Variants in SCEL observed in about 807,000 individuals in gnomAD.
The protein encoded by SCEL is sciellin.
In SCEL, 113 loss-of-function variants were observed where a neutral mutation model predicts 117.6. That is an observed-to-expected ratio of 0.96 (90% confidence interval 0.83 to 1.12). SCEL has a LOEUF of 1.12. SCEL is among the 50% of genes most tolerant of loss of function. The pLI is 0.00. For missense variants in SCEL, 785 were observed against 810.8 expected, an observed-to-expected ratio of 0.97 and a Z score of 0.39; for synonymous variants, 270 against 256.2, an observed-to-expected ratio of 1.05 and a Z score of -0.51.
At chr13:77,633,880 C>T (rs1203734248) in intron 28 of SCEL, among the ~76,000 whole-genome samples, 1 of 152,164 alleles carries the variant, frequency 6.6e-6, no homozygotes, top group African/African-American at 2.4e-5. Context: ...AGGAAATTAT[C>T]AAACGTGATT....
At chr13:77,644,091 G>A (rs192704868) in intron 32 of SCEL, among the ~76,000 whole-genome samples, 167 bp from the exon 33 acceptor site, 3 of 152,256 alleles carry the variant, frequency 2.0e-5, no homozygotes, top group South Asian at 2.1e-4. Context: ...CATCTGGTAC[G>A]TCATGTACAC....
At chr13:77,601,307 GT>G (rs1373146841) in intron 15 of SCEL, among the ~76,000 whole-genome samples, 2 of 152,142 alleles carry the variant, frequency 1.3e-5, no homozygotes, top group African/African-American at 4.8e-5. Flanking sequence ...TAACAACTGA[GT>G]TTTGGTGCAG....
intron 1 of SCEL, among the ~76,000 whole-genome samples, chr13:77,539,171 A>G (rs1192696461): frequency 6.6e-6 from 1 of 152,144 alleles, no homozygotes; most frequent in Non-Finnish European, 1.5e-5. Flanking sequence ...GGTGACATGT[A>G]TGAGTATGCC....
rs1222174394 is a variant in SCEL, at chr13:77,617,865, A to G, written c.1571+3A>G. The G allele has an allele frequency of 1.2e-6, 2 of 1,605,246 alleles. No homozygotes were observed. Among genetic ancestry groups the G allele is most frequent in the Admixed American group, 1.7e-5 (1 of 59,816 alleles). On this transcript the variant is annotated splice_donor_region_variant and intron_variant, in intron 26 of 32. Transcript: ENST00000349847. ...GCAGTAATCAGAAACAATCAGAGGT[A>G]TATATAGAAGCAGTCAATTCATGTT...
At chr13:77,620,297 G>T (rs189518122) in intron 27 of SCEL, among the ~76,000 whole-genome samples, 11 of 152,186 alleles carry the variant, frequency 7.2e-5, no homozygotes, top group Middle Eastern at 3.4e-3. Flanking sequence ...TCTCCATTCT[G>T]CCCTCTTGAT....
rs373265715 is a variant in SCEL, at chr13:77,555,844, A to G, written c.-19-13A>G. 3.1e-5 allele frequency: 50 copies of G among 1,588,852 alleles called. No homozygotes were observed. Among genetic ancestry groups the G allele is most frequent in the Middle Eastern group, 1.7e-4 (1 of 6,032 alleles). On this transcript the variant is annotated splice_polypyrimidine_tract_variant and intron_variant, in intron 1 of 32. Transcript: ENST00000349847. ...CATTGATGTGCTTTCTCTATTTCCC[A>G]TTTTTCTTTTAGGTCCTTACTGGAA... is the stretch of plus-strand genomic sequence containing the variant.
At chr13:77,624,710 C>T (rs1036925425) in intron 27 of SCEL, among the ~76,000 whole-genome samples, 1 of 152,094 alleles carries the variant, frequency 6.6e-6, no homozygotes, top group Admixed American at 6.5e-5. Context: ...GGGTGATGGA[C>T]AGAGATGGAG....
chr13:77,593,295 T>TGTGTGTGTGTGTGTGTGTGCGC (rs796907419), intron 11 of SCEL, among the ~76,000 whole-genome samples: 2 of 136,784 alleles, frequency 1.5e-5, no homozygotes, highest in African/African-American at 5.6e-5. Context: ...TGTGTGTGTG[T>TGTGTGTGTGTGTGTGTGTGCGC]GTCTGTGTGT....
chr13:77,592,179 C>T (rs930023898), intron 11 of SCEL, among the ~76,000 whole-genome samples: 1 of 151,922 alleles, frequency 6.6e-6, no homozygotes, highest in African/African-American at 2.4e-5. Flanking sequence ...TTTATATTAT[C>T]CCCGTTTGAC....
intron 1 of SCEL, among the ~76,000 whole-genome samples, chr13:77,550,244 G>C (rs1165048629): frequency 6.6e-6 from 1 of 151,774 alleles, no homozygotes; most frequent in East Asian, 1.9e-4. Context: ...AAATTAGCCA[G>C]ATGTGGTGGC....
chr13:77,571,265 A>ACCT (rs2085597926), intron 8 of SCEL, among the ~76,000 whole-genome samples: 1 of 147,994 alleles, frequency 6.8e-6, no homozygotes, highest in Non-Finnish European at 1.5e-5. Context: ...ACACGGTGAA[A>ACCT]CCTCGTCCCA....
intron 12 of SCEL, among the ~76,000 whole-genome samples, chr13:77,594,210 T>C (rs186218028): frequency 1.3e-5 from 2 of 152,314 alleles, no homozygotes; most frequent in East Asian, 1.9e-4. Context: ...CCATAATTTT[T>C]CCAAAGATTC....
intron 17 of SCEL, 118 bp downstream of exon 17, chr13:77,602,831 C>A: frequency 1.2e-6 from 1 of 804,350 alleles, no homozygotes; most frequent in South Asian, 1.7e-5. Flanking sequence ...CCCTGGTGCC[C>A]TGATCTTCAC....
chr13:77,644,145 A>G, intron 32 of SCEL, 113 bp from the exon 33 acceptor site: 2 of 1,159,956 alleles, frequency 1.7e-6, no homozygotes, highest in Non-Finnish European at 2.6e-6. Flanking sequence ...AGTGGAAGGA[A>G]AAGTGGAATC....
chr13:77,561,625 G>T (rs1270182497), intron 4 of SCEL, among the ~76,000 whole-genome samples: 1 of 152,214 alleles, frequency 6.6e-6, no homozygotes, highest in African/African-American at 2.4e-5. Flanking sequence ...TGTGCAAGGT[G>T]CCAGGAATAC....
At chr13:77,547,580 G>T (rs960204813) in intron 1 of SCEL, among the ~76,000 whole-genome samples, 24 of 152,136 alleles carry the variant, frequency 1.6e-4, no homozygotes, top group Non-Finnish European at 1.6e-4. Context: ...CCAGGGTTAG[G>T]TACCATGCTG....
chr13:77,601,519 T>G (rs1023947362), intron 15 of SCEL, among the ~76,000 whole-genome samples: 1 of 152,186 alleles, frequency 6.6e-6, no homozygotes, highest in Admixed American at 6.5e-5. Flanking sequence ...CTAATAATTT[T>G]TAATCATTAG....
At chr13:77,536,549 C>A (rs1325890578) in intron 1 of SCEL, among the ~76,000 whole-genome samples, 1 of 152,174 alleles carries the variant, frequency 6.6e-6, no homozygotes, top group African/African-American at 2.4e-5. Flanking sequence ...AATTTTCAAA[C>A]TTTATTCATA....
intron 8 of SCEL, among the ~76,000 whole-genome samples, chr13:77,569,879 G>A (rs2085497494): frequency 6.6e-6 from 1 of 152,176 alleles, no homozygotes; most frequent in Non-Finnish European, 1.5e-5. Context: ...ACATCCATCT[G>A]TATTTGTTTG....
Sources: allele counts gnomAD v4.1 joint callset (sites outside exome capture counted in the v4.1 genomes callset), GRCh38; gene constraint gnomAD v4.1.1; transcripts MANE v1.5; gene names NCBI Gene and HGNC (gene_info 2026-07-23, HGNC 2026-07-21).